The following RNF216 variants were observed in gnomAD, a reference collection of about 807,000 sequenced individuals.
RNF216 encodes the protein ring finger protein 216, also known as E3 ubiquitin-protein ligase RNF216.
Under a neutral mutation model 110.8 loss-of-function variants are expected in RNF216, and 72 were observed. That is an observed-to-expected ratio of 0.65 (90% CI 0.54 to 0.79). The LOEUF is 0.79. Among genes scored for constraint, RNF216 ranks in the 30% least tolerant of loss-of-function variants. RNF216 has a pLI of 0.00. For missense variants in RNF216, 1,342 were observed against 1,141.2 expected, an observed-to-expected ratio of 1.18 and a Z score of -2.54; for synonymous variants, 495 against 407.5, an observed-to-expected ratio of 1.21 and a Z score of -2.59.
intron 13 of RNF216, among the ~76,000 whole-genome samples, chr7:5,672,967 G>T (rs1056218692): frequency 2.0e-5 from 3 of 152,174 alleles, no homozygotes; most frequent in Non-Finnish European, 1.5e-5. Flanking sequence ...AGATGTCCTG[G>T]CTACAGCTCA....
intron 13 of RNF216, among the ~76,000 whole-genome samples, chr7:5,707,581 T>C (rs557973736): frequency 5.9e-5 from 9 of 152,250 alleles, no homozygotes; most frequent in Non-Finnish European, 1.2e-4. Flanking sequence ...CTTGCACGGA[T>C]ATAGATGCTT....
intron 13 of RNF216, among the ~76,000 whole-genome samples, chr7:5,672,475 T>C (rs1301963713): frequency 2.6e-5 from 4 of 152,218 alleles, no homozygotes; most frequent in African/African-American, 9.7e-5. Flanking sequence ...GATGTAGTGC[T>C]TGTAGCATCA....
intron 15 of RNF216, among the ~76,000 whole-genome samples, chr7:5,630,681 C>T (rs1350999718): frequency 6.6e-6 from 1 of 152,208 alleles, no homozygotes; most frequent in Non-Finnish European, 1.5e-5. Context: ...GTGTGAGCCA[C>T]TGCACCTGGT....
At chr7:5,670,672 CT>C (rs1789846408) in intron 13 of RNF216, among the ~76,000 whole-genome samples, 2 of 152,122 alleles carry the variant, frequency 1.3e-5, no homozygotes, top group South Asian at 4.1e-4. Context: ...CTAAGGTGAC[CT>C]TTGGAAGCAA....
rs112724699 is a variant in RNF216, at chr7:5,632,561, G to T, written c.2383-8436C>A. On this transcript the variant is annotated intron_variant, in intron 15 of 16. Transcript: ENST00000389902. ...GTAGAAGTTAGCCCTCCAATCACCT[G>T]ATGTCAGGGGTTCGAGACCAGCCTG... is the stretch of plus-strand genomic sequence containing the variant. Among the ~76,000 whole-genome samples the T allele has an allele frequency of 4.6e-5, 7 of 152,304 alleles. No homozygotes were observed. In the South Asian group the frequency reaches 1.2e-3, roughly 27 times the overall value.
intron 5 of RNF216, among the ~76,000 whole-genome samples, chr7:5,732,238 G>A (rs1794136969): frequency 6.6e-6 from 1 of 152,206 alleles, no homozygotes; most frequent in South Asian, 2.1e-4. Flanking sequence ...AACCTTTGAA[G>A]GCTGACCTGA....
chr7:5,745,893 TAAA>T (rs55943759), intron 3 of RNF216, among the ~76,000 whole-genome samples: 1 of 130,026 alleles, frequency 7.7e-6, no homozygotes, highest in Admixed American at 7.9e-5. Context: ...GAGACTGTCT[TAAA>T]AAAAAAAAAA....
intron 15 of RNF216, among the ~76,000 whole-genome samples, chr7:5,629,826 C>CAAA (rs34172457): frequency 0.029 from 1,576 of 53,774 alleles, 34 homozygotes; most frequent in Non-Finnish European, 0.042. Flanking sequence ...GACTCTGTCT[C>CAAA]AAAAAAAAAA....
intron 1 of RNF216, among the ~76,000 whole-genome samples, chr7:5,780,719 A>C (rs2008415): frequency 1.3e-5 from 2 of 151,684 alleles, no homozygotes; most frequent in Non-Finnish European, 2.9e-5. Context: ...AAAAGGAGAA[A>C]AAAAAAAAAG....
At chr7:5,778,506 A>C (rs1796902603) in intron 1 of RNF216, among the ~76,000 whole-genome samples, 1 of 152,178 alleles carries the variant, frequency 6.6e-6, no homozygotes, top group African/African-American at 2.4e-5. Flanking sequence ...GCTAAAACTT[A>C]AGTTCCAAGA....
intron 13 of RNF216, among the ~76,000 whole-genome samples, chr7:5,658,385 A>C (rs1788880436): frequency 6.6e-6 from 1 of 152,180 alleles, no homozygotes; most frequent in Non-Finnish European, 1.5e-5. Flanking sequence ...GGCCGGGCAC[A>C]GTGGCTCATG....
At chr7:5,636,730 G>A (rs1787419321) in intron 15 of RNF216, among the ~76,000 whole-genome samples, 1 of 152,242 alleles carries the variant, frequency 6.6e-6, no homozygotes, top group Admixed American at 6.5e-5. Context: ...ATCTCCGGCT[G>A]TGGCTATCAG....
intron 2 of RNF216, among the ~76,000 whole-genome samples, chr7:5,753,633 G>A (rs1199173855): frequency 2.6e-5 from 4 of 152,026 alleles, no homozygotes; most frequent in Admixed American, 1.3e-4. Flanking sequence ...TGAATTACTG[G>A]GTAACACAAA....
intron 3 of RNF216, among the ~76,000 whole-genome samples, chr7:5,747,872 G>A (rs1005953174): frequency 1.3e-5 from 2 of 151,510 alleles, no homozygotes; most frequent in African/African-American, 4.8e-5. Context: ...TTGAATTCCT[G>A]AGCTCAAGTG....
At chr7:5,686,084 G>A (rs547544611) in intron 13 of RNF216, among the ~76,000 whole-genome samples, 13 of 151,878 alleles carry the variant, frequency 8.6e-5, no homozygotes, top group Non-Finnish European at 1.9e-4. Flanking sequence ...TTAGCCAGGC[G>A]TGGTGATGCA....
intron 5 of RNF216, among the ~76,000 whole-genome samples, chr7:5,735,716 G>C (rs1321405112): frequency 1.3e-5 from 2 of 152,186 alleles, no homozygotes; most frequent in Non-Finnish European, 2.9e-5. Flanking sequence ...TTCCAGAACT[G>C]ACCAACACCA....
chr7:5,630,038 G>A (rs912444762), intron 15 of RNF216, among the ~76,000 whole-genome samples: 1 of 152,022 alleles, frequency 6.6e-6, no homozygotes. Flanking sequence ...AAAAGGCCAC[G>A]CTACAAATCT....
chr7:5,666,866 G>T (rs566528399), intron 13 of RNF216, among the ~76,000 whole-genome samples: 1 of 151,168 alleles, frequency 6.6e-6, no homozygotes, highest in African/African-American at 2.4e-5. Context: ...CCAGGCTGGG[G>T]TGCAGTCAGT....
At chr7:5,769,720 C>G (rs1196796152) in intron 1 of RNF216, among the ~76,000 whole-genome samples, 1 of 148,314 alleles carries the variant, frequency 6.7e-6, no homozygotes, top group Non-Finnish European at 1.5e-5. Flanking sequence ...AGAGCTGTCT[C>G]AAAAAAAAGA....
Sources: allele counts gnomAD v4.1 joint callset (sites outside exome capture counted in the v4.1 genomes callset), GRCh38; gene constraint gnomAD v4.1.1; transcripts MANE v1.5; gene names NCBI Gene and HGNC (gene_info 2026-07-23, HGNC 2026-07-21).